DPP10: variants seen among roughly 807,000 people sequenced by gnomAD.
DPP10 encodes the protein inactive dipeptidyl peptidase 10.
A neutral mutation model predicts 120.9 loss-of-function variants in DPP10; 33 were observed. The ratio of observed to expected loss-of-function variants is 0.27; its 90% CI spans 0.21 to 0.37. DPP10 has a LOEUF of 0.37. DPP10 is among the 10% of genes least tolerant of loss of function. The pLI is 1.00. For missense variants in DPP10, 816 were observed against 942.8 expected, an observed-to-expected ratio of 0.87 and a Z score of 1.76; for synonymous variants, 337 against 326.1, an observed-to-expected ratio of 1.03 and a Z score of -0.36.
At chr2:114,491,172 T>C (rs755553964) in intron 1 of DPP10, among the ~76,000 whole-genome samples, 15 of 152,198 alleles carry the variant, frequency 9.9e-5, no homozygotes, top group Non-Finnish European at 2.2e-4. Flanking sequence ...TTTAAAATTA[T>C]CTTTGATTCT....
At chr2:115,052,616 CA>C (rs1275077391) in intron 1 of DPP10, among the ~76,000 whole-genome samples, 1 of 152,070 alleles carries the variant, frequency 6.6e-6, no homozygotes, top group African/African-American at 2.4e-5. Flanking sequence ...AAATCAAAAC[CA>C]CAGTGAGATA....
chr2:115,414,388 A>G (rs2069201957), intron 3 of DPP10, among the ~76,000 whole-genome samples: 1 of 152,154 alleles, frequency 6.6e-6, no homozygotes, highest in Non-Finnish European at 1.5e-5. Context: ...TGAGGGAGGC[A>G]CATTTTCCAT....
At position 114,908,801 on chromosome 2, in the gene DPP10, T is replaced by C. The variant is rs541838448; in HGVS notation, c.61-400438T>C. On this transcript the variant is annotated intron_variant, in intron 1 of 25. Coordinates refer to ENST00000410059, the MANE Select transcript of DPP10 (RefSeq NM_020868.6). ...TGTGATGAATTATCTTGCTTGATTA[T>C]TTTTTCTGTATCAACTTTGCATTTC... Among the ~76,000 whole-genome samples, 4 of 151,862 alleles carry C rather than the reference T, an allele frequency of 2.6e-5. No homozygotes were observed. In the East Asian group the frequency reaches 5.8e-4, roughly 22 times the overall value.
At chr2:114,757,063 A>T (rs1679819695) in intron 1 of DPP10, among the ~76,000 whole-genome samples, 1 of 150,960 alleles carries the variant, frequency 6.6e-6, no homozygotes, top group African/African-American at 2.4e-5. Context: ...AGGGAGAAAG[A>T]AATGAAGAAA....
intron 1 of DPP10, among the ~76,000 whole-genome samples, chr2:115,255,921 GTCT>G (rs2058965434): frequency 6.6e-6 from 1 of 152,092 alleles, no homozygotes; most frequent in African/African-American, 2.4e-5. Context: ...ACATTTTCCT[GTCT>G]TCTTCTGTGC....
intron 1 of DPP10, among the ~76,000 whole-genome samples, chr2:115,238,540 G>A (rs115607671): frequency 6.6e-6 from 1 of 152,056 alleles, no homozygotes; most frequent in African/African-American, 2.4e-5. Context: ...ACTTTGAGTG[G>A]CTCGAGACTT....
At chr2:114,454,793 C>A (rs1168706840) in intron 1 of DPP10, among the ~76,000 whole-genome samples, 2 of 151,976 alleles carry the variant, frequency 1.3e-5, no homozygotes, top group African/African-American at 2.4e-5. Context: ...GTCTATGTAT[C>A]TTTGTTATCC....
intron 1 of DPP10, among the ~76,000 whole-genome samples, chr2:114,467,052 A>T (rs1406232821): frequency 1.3e-5 from 2 of 150,970 alleles, no homozygotes; most frequent in African/African-American, 4.9e-5. Flanking sequence ...AAAAAAAAAA[A>T]GGAAACCTTT....
At chr2:115,732,433 G>A (rs1469803436) in intron 8 of DPP10, among the ~76,000 whole-genome samples, 13 of 152,060 alleles carry the variant, frequency 8.5e-5, no homozygotes, top group Admixed American at 8.5e-4. Context: ...CCTAAAGAAA[G>A]TAAAGCAATA....
chr2:115,728,347 A>T (rs1228481473), intron 8 of DPP10, among the ~76,000 whole-genome samples: 1 of 151,964 alleles, frequency 6.6e-6, no homozygotes, highest in East Asian at 1.9e-4. Flanking sequence ...TCCATTAGGG[A>T]CATTCTGTCA....
intron 5 of DPP10, among the ~76,000 whole-genome samples, chr2:115,539,533 T>G (rs539091191): frequency 6.6e-6 from 1 of 152,082 alleles, no homozygotes; most frequent in East Asian, 1.9e-4. Context: ...TTGAAATAGT[T>G]AAATTTCACT....
intron 4 of DPP10, among the ~76,000 whole-genome samples, chr2:115,505,521 G>A (rs191515677): frequency 4.1e-4 from 62 of 152,214 alleles, no homozygotes; most frequent in Admixed American, 3.6e-3. Context: ...AACTGTTTGC[G>A]ATTGTTTTGG....
At chr2:115,540,174 T>C (rs1011623176) in intron 5 of DPP10, among the ~76,000 whole-genome samples, 1 of 151,940 alleles carries the variant, frequency 6.6e-6, no homozygotes, top group Admixed American at 6.6e-5. Flanking sequence ...ACATTTATAC[T>C]TTATTTTTCA....
chr2:115,382,878 C>T (rs968315723), intron 3 of DPP10, among the ~76,000 whole-genome samples: 8 of 152,122 alleles, frequency 5.3e-5, no homozygotes, highest in African/African-American at 1.9e-4. Context: ...TACATAATAG[C>T]AACCAATTGT....
At chr2:114,915,862 A>G (rs1187755939) in intron 1 of DPP10, among the ~76,000 whole-genome samples, 3 of 152,226 alleles carry the variant, frequency 2.0e-5, no homozygotes, top group African/African-American at 4.8e-5. Context: ...GAAAGTTTAT[A>G]GCATTAAATG....
At position 115,177,953 on chromosome 2, in the gene DPP10, C is replaced by T. The variant is rs577919485; in HGVS notation, c.61-131286C>T. Among the ~76,000 whole-genome samples, 7 of 152,090 alleles carry T rather than the reference C, an allele frequency of 4.6e-5. No homozygotes were observed. The South Asian group carries it at 6.2e-4, about 14-fold the overall frequency. ...TAACTTTTTGTATTTTTAGTAGAGA[C>T]GGGGATTCACTGTGTTAGCCAGGAT... On this transcript the variant is annotated intron_variant, in intron 1 of 25. Coordinates refer to ENST00000410059, the MANE Select transcript of DPP10 (RefSeq NM_020868.6).
intron 1 of DPP10, among the ~76,000 whole-genome samples, chr2:114,815,589 A>T (rs1408176339): frequency 6.6e-6 from 1 of 152,218 alleles, no homozygotes; most frequent in Non-Finnish European, 1.5e-5. Flanking sequence ...CAATTATAGG[A>T]GCATAACCTA....
intron 2 of DPP10, among the ~76,000 whole-genome samples, chr2:115,331,978 G>A (rs1264348129): frequency 6.6e-6 from 1 of 152,050 alleles, no homozygotes; most frequent in Non-Finnish European, 1.5e-5. Context: ...TCTGTTGATT[G>A]GAATAGTTTC....
At chr2:114,451,598 A>G (rs1242656759) in intron 1 of DPP10, among the ~76,000 whole-genome samples, 1 of 152,170 alleles carries the variant, frequency 6.6e-6, no homozygotes, top group Non-Finnish European at 1.5e-5. Flanking sequence ...AACTGTCATG[A>G]AAGTATTTAA....
Sources: gnomAD v4.1 joint callset for allele counts (sites outside exome capture counted in the v4.1 genomes callset) on GRCh38, gnomAD v4.1.1 for gene constraint, MANE v1.5 for transcripts, NCBI Gene and HGNC (gene_info 2026-07-23, HGNC 2026-07-21) for gene names.